CDC27: variants seen among roughly 807,000 people sequenced by gnomAD.
The protein encoded by CDC27 is cell division cycle 27, also known as cell division cycle protein 27 homolog.
CDC27 carries 27 observed loss-of-function variants against 109.7 expected under a neutral mutation model. The ratio of observed to expected loss-of-function variants is 0.25; its 90% CI spans 0.18 to 0.34. The LOEUF (loss-of-function observed/expected upper bound fraction) is 0.34, where lower values mean the gene tolerates loss of function less well. CDC27 is among the 10% of genes least tolerant of loss of function. The pLI is 1.00. For synonymous variants in CDC27, 266 were observed against 333.9 expected, an observed-to-expected ratio of 0.80 and a Z score of 2.22; for missense variants, 579 against 960.2, an observed-to-expected ratio of 0.60 and a Z score of 5.25.
chr17:47,124,369 C>T (rs1219203178), intron 16 of CDC27, among the ~76,000 whole-genome samples: 1 of 151,988 alleles, frequency 6.6e-6, no homozygotes, highest in Non-Finnish European at 1.5e-5. Context: ...CTGCAATCTC[C>T]GCTTCTCAGA....
intron 2 of CDC27, among the ~76,000 whole-genome samples, chr17:47,177,095 T>C (rs938549537): frequency 5.3e-5 from 8 of 152,246 alleles, no homozygotes; most frequent in Non-Finnish European, 1.2e-4. Context: ...TACCCACTAA[T>C]CACTAAGACA....
intron 2 of CDC27, among the ~76,000 whole-genome samples, chr17:47,176,545 G>A (rs765240243): frequency 6.6e-6 from 1 of 152,178 alleles, no homozygotes; most frequent in Non-Finnish European, 1.5e-5. Context: ...CTTAGTGTTT[G>A]AGGCAGAAAA....
intron 9 of CDC27, among the ~76,000 whole-genome samples, chr17:47,149,077 C>CAAAA (rs71138591): frequency 1.5e-5 from 1 of 66,886 alleles, no homozygotes; most frequent in East Asian, 4.2e-4. Context: ...GACTCTGTCT[C>CAAAA]AAAAAAAAAA....
intron 4 of CDC27, among the ~76,000 whole-genome samples, chr17:47,160,180 C>T (rs1401225600): frequency 1.3e-5 from 2 of 151,062 alleles, no homozygotes; most frequent in Admixed American, 1.3e-4. Flanking sequence ...AACATATATA[C>T]TTGGAAAAAT....
chr17:47,140,219 C>T (rs1167717788), intron 12 of CDC27, among the ~76,000 whole-genome samples: 1 of 152,118 alleles, frequency 6.6e-6, no homozygotes, highest in Non-Finnish European at 1.5e-5. Flanking sequence ...CTCAAGTGAT[C>T]CTTCCACTTC....
At chr17:47,143,556 T>G (rs1331403127) in intron 10 of CDC27, among the ~76,000 whole-genome samples, 1 of 152,208 alleles carries the variant, frequency 6.6e-6, no homozygotes, top group Non-Finnish European at 1.5e-5. Flanking sequence ...TTTTGTGCCA[T>G]GATTTAATAG....
At chr17:47,123,494 T>C (rs1173021176) in intron 17 of CDC27, among the ~76,000 whole-genome samples, 1 of 149,264 alleles carries the variant, frequency 6.7e-6, no homozygotes, top group Non-Finnish European at 1.5e-5. Flanking sequence ...CATGGCAACC[T>C]CTGCCTCCCA....
At chr17:47,183,631 C>T (rs2149010500) in intron 1 of CDC27, among the ~76,000 whole-genome samples, 2 of 152,222 alleles carry the variant, frequency 1.3e-5, no homozygotes, top group Middle Eastern at 6.8e-3. Context: ...GCACCAAGTA[C>T]CTTTCCTTTG....
chr17:47,168,995 CTTTT>C (rs1160478815), intron 4 of CDC27, among the ~76,000 whole-genome samples: 1 of 121,572 alleles, frequency 8.2e-6, no homozygotes. Flanking sequence ...TTTTTTTTTT[CTTTT>C]TTTTTTTTTG....
intron 13 of CDC27, among the ~76,000 whole-genome samples, chr17:47,137,956 A>G (rs1451981709): frequency 6.6e-6 from 1 of 151,954 alleles, no homozygotes; most frequent in Non-Finnish European, 1.5e-5. Flanking sequence ...GCCAGCCACC[A>G]TACCTGGCTA....
intron 4 of CDC27, among the ~76,000 whole-genome samples, chr17:47,164,819 AAACAAC>A (rs552187448): frequency 7.9e-5 from 12 of 152,098 alleles, no homozygotes; most frequent in African/African-American, 2.7e-4. Flanking sequence ...ATTCCATTTC[AAACAAC>A]AACAACAACA....
intron 3 of CDC27, chr17:47,170,928 C>T (rs1257955661): frequency 6.6e-6 from 1 of 152,030 alleles, no homozygotes; most frequent in Non-Finnish European, 1.5e-5. Context: ...TAGTGAGACC[C>T]CATCTATACA....
At chr17:47,144,088 G>A (rs2062880506) in intron 9 of CDC27, 106 bp from the exon 10 acceptor site, 5 of 348,916 alleles carry the variant, frequency 1.4e-5, no homozygotes, top group Non-Finnish European at 2.5e-5. Flanking sequence ...AATTATATAA[G>A]TACTCTAAAG....
At chr17:47,141,317 A>C (rs2062786045) in intron 12 of CDC27, among the ~76,000 whole-genome samples, 1 of 152,184 alleles carries the variant, frequency 6.6e-6, no homozygotes, top group South Asian at 2.1e-4. Flanking sequence ...ATTGGGAATT[A>C]GAATTTTCTT....
At chr17:47,123,402 C>CTTTTTTTTTTTTTTT (rs57868315) in intron 17 of CDC27, among the ~76,000 whole-genome samples, 1 of 123,002 alleles carries the variant, frequency 8.1e-6, no homozygotes. Flanking sequence ...TTTTTTTCTA[C>CTTTTTTTTTTTTTTT]TTTTTTTTTT....
intron 10 of CDC27, among the ~76,000 whole-genome samples, chr17:47,142,873 TCC>T (rs2062839682): frequency 6.6e-6 from 1 of 152,210 alleles, no homozygotes; most frequent in African/African-American, 2.4e-5. Context: ...ACTGGATTTC[TCC>T]ACGTTGGTCA....
intron 2 of CDC27, among the ~76,000 whole-genome samples, chr17:47,175,045 GGAAGGA>G (rs1217067433): frequency 3.5e-5 from 2 of 56,518 alleles, no homozygotes; most frequent in African/African-American, 6.4e-5. Flanking sequence ...GAGAGAGGAA[GGAAGGA>G]AGGAAGGAAG....
chr17:47,132,521 A>G, intron 14 of CDC27, 147 bp from the exon 15 acceptor site: 1 of 396,808 alleles, frequency 2.5e-6, no homozygotes, highest in Non-Finnish European at 4.4e-6. Flanking sequence ...AAAAAATACC[A>G]GTTATGATAA....
At chr17:47,186,515 A>G (rs1740568041) in intron 1 of CDC27, among the ~76,000 whole-genome samples, 1 of 152,180 alleles carries the variant, frequency 6.6e-6, no homozygotes, top group African/African-American at 2.4e-5. Context: ...TTAAAAACCA[A>G]TTTCACCAGG....
Sources: gnomAD v4.1 joint callset for allele counts (sites outside exome capture counted in the v4.1 genomes callset) on GRCh38, gnomAD v4.1.1 for gene constraint, MANE v1.5 for transcripts, NCBI Gene and HGNC (gene_info 2026-07-23, HGNC 2026-07-21) for gene names.